Variants in LRIG1 observed in about 807,000 individuals in gnomAD.
LRIG1 encodes leucine rich repeats and immunoglobulin like domains 1.
A neutral mutation model predicts 99.2 loss-of-function variants in LRIG1; 48 were observed. The observed-to-expected ratio is 0.48, with a 90% CI of 0.38 to 0.62. The LOEUF is 0.62. Among genes scored for constraint, LRIG1 ranks in the 20% least tolerant of loss-of-function variants. The pLI, the probability that LRIG1 is intolerant of heterozygous loss-of-function variation, is 0.00. For missense variants in LRIG1, 1,646 were observed against 1,434.4 expected (o/e 1.15, Z -2.38); for synonymous variants, 772 against 596.1 (o/e 1.29, Z -4.30).
At chr3:66,430,929 C>T (rs540503684) in intron 3 of LRIG1, among the ~76,000 whole-genome samples, 24 of 152,174 alleles carry the variant, frequency 1.6e-4, no homozygotes, top group African/African-American at 5.8e-4. Context: ...TTTTCTTCCC[C>T]CTTTGTTTTC....
chr3:66,432,796 T>C (rs763986525), intron 3 of LRIG1, among the ~76,000 whole-genome samples: 4 of 152,110 alleles, frequency 2.6e-5, no homozygotes, highest in Non-Finnish European at 5.9e-5. Context: ...CTTCTCGGCA[T>C]CCACCAGGGA....
chr3:66,389,265 A>C (rs78237012), intron 12 of LRIG1, among the ~76,000 whole-genome samples: 9,140 of 152,280 alleles, frequency 0.06, 304 homozygotes, highest in South Asian at 0.083. Flanking sequence ...AAATAGTACA[A>C]CAGAAAATAT....
Position 66,413,030 on chromosome 3 carries a change from C to G in LRIG1, c.648-16G>C, listed in dbSNP as rs1396703347. On this transcript the variant is annotated splice_polypyrimidine_tract_variant and intron_variant, in intron 5 of 18. Transcript: ENST00000273261. Reference sequence around the variant, plus strand: ...ATTGAGGTCCCTAAAGAGATGAAGCCAGCAGGGTCAGAGTGTCTTATGTGC... The same window carrying G: ...ATTGAGGTCCCTAAAGAGATGAAGCGAGCAGGGTCAGAGTGTCTTATGTGC... 1.9e-6 allele frequency: 3 copies of G among 1,614,154 alleles called. No homozygotes were observed. The highest frequency in any genetic ancestry group is 1.7e-5 in the Admixed American group (1 of 60,022).
At position 66,410,168 on chromosome 3, in the gene LRIG1, T is replaced by C. The variant is rs779322695; in HGVS notation, c.896A>G (p.His299Arg). 2.5e-6 allele frequency: 4 copies of C among 1,613,912 alleles called. No homozygotes were observed. The highest frequency in any genetic ancestry group is 3.4e-6 in the Non-Finnish European group (4 of 1,179,926). ...CTGGCAGAAGCTCCAGCCCTTGCGG[T>C]GAATGCGAGCGATGGAATTGTTGCT... ...HLSNNSIARI[H>R]RKGWSFCQKL... The change falls in exon 7 of 19, where the codon CAC becomes CGC. Residue 299 changes from histidine to arginine, a missense_variant. Coordinates refer to ENST00000273261, the MANE Select transcript of LRIG1 (RefSeq NM_015541.3).
rs1559827837 is a variant in LRIG1 at position 66,493,840 on chromosome 3, AGAG to A, written c.218+6347_218+6349del. 3.7e-3 allele frequency among the ~76,000 whole-genome samples: 539 copies of A among 144,328 alleles called. 2 individuals carry two copies. The highest frequency in any genetic ancestry group is 0.012 in the African/African-American group (497 of 39,872). The allele number at this position is 144,328 out of a possible 152,430, so 94.7% of individuals were successfully genotyped here. A position where few individuals can be genotyped will look rare whatever the true frequency, so the allele number is the denominator to read the frequency against. ...GAAAGGAAAGAAAGAAAAAAAAGAG[AGAG>A]AGAGAGAAAGAGAAAGAAAGGAAGA... On this transcript the variant is annotated intron_variant, in intron 1 of 18. Transcript: ENST00000273261.
intron 7 of LRIG1, among the ~76,000 whole-genome samples, chr3:66,409,330 T>A (rs1166641516): frequency 6.6e-6 from 1 of 152,208 alleles, no homozygotes; most frequent in East Asian, 1.9e-4. Context: ...CTCTGAGTCC[T>A]TAGGAATGCT....
intron 3 of LRIG1, 22 bp from the exon 4 acceptor site, chr3:66,417,288 G>T: frequency 6.2e-7 from 1 of 1,602,922 alleles, no homozygotes; most frequent in South Asian, 1.1e-5. Flanking sequence ...CAAGGGAGGT[G>T]ACTTGAGCAT....
Position 66,382,363 on chromosome 3 carries a change from G to C in LRIG1, c.2527C>G (p.Leu843Val), listed in dbSNP as rs755025003. The C allele has an allele frequency of 6.2e-7, 1 of 1,614,158 alleles. No individual in the cohort carries two copies. The highest frequency in any genetic ancestry group is 8.5e-7 in the Non-Finnish European group (1 of 1,180,014). The part of the protein sequence containing the change: ...TVVPPDVPSY[L>V]SSQGTLSDRQ... ...TCAGAAAGGGTCCCCTGAGAAGAGA[G>C]GTAGCTTGGAACATCTGGTGGCACG... The change falls in exon 16 of 19, where the codon CTC becomes GTC. Residue 843 changes from leucine (L) to valine (V), a missense_variant. Physicochemically the swap from Leu to Val is conservative, Grantham distance 32. Transcript: ENST00000273261.
intron 6 of LRIG1, among the ~76,000 whole-genome samples, chr3:66,411,057 A>C (rs1005128423): frequency 1.3e-5 from 2 of 152,214 alleles, no homozygotes; most frequent in Non-Finnish European, 2.9e-5. Flanking sequence ...CACTGACTCC[A>C]TGGGGTCACT....
At chr3:66,382,055 C>T (rs1353513440) in intron 16 of LRIG1, among the ~76,000 whole-genome samples, 1 of 152,210 alleles carries the variant, frequency 6.6e-6, no homozygotes, top group Non-Finnish European at 1.5e-5. Flanking sequence ...GATGCTAAGC[C>T]CAATCCAGTG....
intron 3 of LRIG1, among the ~76,000 whole-genome samples, chr3:66,446,613 C>A (rs542816926): frequency 2.0e-5 from 3 of 151,964 alleles, no homozygotes; most frequent in Non-Finnish European, 4.4e-5. Context: ...GCCATTTTGG[C>A]CAGGCTGGTC....
At chr3:66,480,212 G>A (rs889397643) in intron 1 of LRIG1, among the ~76,000 whole-genome samples, 1 of 152,018 alleles carries the variant, frequency 6.6e-6, no homozygotes, top group Non-Finnish European at 1.5e-5. Context: ...TAAAAGAAAG[G>A]GCCATATATT....
chr3:66,474,409 G>C (rs1157418603), intron 1 of LRIG1, among the ~76,000 whole-genome samples: 1 of 149,692 alleles, frequency 6.7e-6, no homozygotes. Context: ...GCAATGGTGT[G>C]ATCTCAGCTC....
chr3:66,384,367 T>C, intron 13 of LRIG1, 95 bp from the exon 14 acceptor site: 1 of 1,331,448 alleles, frequency 7.5e-7, no homozygotes, highest in Non-Finnish European at 1.1e-6. Flanking sequence ...CTGTGCCCAG[T>C]GCCAGTTCAC....
chr3:66,467,760 C>T (rs1400999721), intron 1 of LRIG1, among the ~76,000 whole-genome samples: 1 of 152,226 alleles, frequency 6.6e-6, no homozygotes, highest in Non-Finnish European at 1.5e-5. Context: ...ACTGAAATTT[C>T]TATTAAACTG....
chr3:66,417,609 A>G (rs1430373875), intron 3 of LRIG1: 1 of 225,260 alleles, frequency 4.4e-6, no homozygotes, highest in Admixed American at 5.1e-5. Context: ...TGTCCTGTGC[A>G]GCCAGACAGC....
At chr3:66,403,674 C>A (rs1702149540) in intron 9 of LRIG1, among the ~76,000 whole-genome samples, 1 of 152,192 alleles carries the variant, frequency 6.6e-6, no homozygotes, top group South Asian at 2.1e-4. Flanking sequence ...GAAGCCCAGG[C>A]GACCCAGGGC....
At chr3:66,466,281 A>T (rs566250895) in intron 1 of LRIG1, among the ~76,000 whole-genome samples, 3 of 152,120 alleles carry the variant, frequency 2.0e-5, no homozygotes, top group South Asian at 4.2e-4. Context: ...GGCCTGAAGC[A>T]ATCCTCCCAC....
intron 7 of LRIG1, among the ~76,000 whole-genome samples, chr3:66,407,852 G>C (rs1414564717): frequency 1.3e-5 from 2 of 152,182 alleles, no homozygotes; most frequent in Non-Finnish European, 2.9e-5. Context: ...GGCTACAAAA[G>C]ACCTCTCTCA....
Sources: gnomAD v4.1 joint callset for allele counts (sites outside exome capture counted in the v4.1 genomes callset) on GRCh38, gnomAD v4.1.1 for gene constraint, MANE v1.5 for transcripts, NCBI Gene and HGNC (gene_info 2026-07-23, HGNC 2026-07-21) for gene names.